Variants in ROBO1 observed in about 807,000 individuals in gnomAD.
The protein encoded by ROBO1 is roundabout homolog 1.
In ROBO1, 149 loss-of-function variants were observed where a neutral mutation model predicts 195.9. That is an observed-to-expected ratio of 0.76 (90% CI 0.67 to 0.87). The LOEUF is 0.87. Among genes scored for constraint, ROBO1 ranks in the 40% least tolerant of loss-of-function variants. ROBO1 has a pLI of 0.00. For missense variants in ROBO1, 1,933 were observed against 2,068.3 expected, an observed-to-expected ratio of 0.93 and a Z score of 1.27; for synonymous variants, 816 against 733.2, an observed-to-expected ratio of 1.11 and a Z score of -1.82.
intron 1 of ROBO1, among the ~76,000 whole-genome samples, chr3:79,682,034 A>G (rs757561798): frequency 1.3e-5 from 2 of 151,982 alleles, no homozygotes; most frequent in African/African-American, 2.4e-5. Flanking sequence ...CAATCAAGCA[A>G]AATGTAATTT....
intron 2 of ROBO1, among the ~76,000 whole-genome samples, chr3:79,409,953 T>C (rs57205903): frequency 0.022 from 3,321 of 152,220 alleles, 101 homozygotes; most frequent in African/African-American, 0.074. Context: ...TACACACATA[T>C]ATATTCTCTT....
chr3:78,718,998 T>A (rs1425993441), intron 5 of ROBO1, among the ~76,000 whole-genome samples: 4 of 152,222 alleles, frequency 2.6e-5, no homozygotes, highest in Non-Finnish European at 5.9e-5. Flanking sequence ...CAGTTTTGAA[T>A]GCCTAAATGG....
At chr3:79,480,258 C>T (rs888505242) in intron 2 of ROBO1, among the ~76,000 whole-genome samples, 3 of 152,066 alleles carry the variant, frequency 2.0e-5, no homozygotes, top group Admixed American at 6.5e-5. Context: ...TAATTGGGCA[C>T]ATTTTATATA....
intron 10 of ROBO1, among the ~76,000 whole-genome samples, chr3:78,675,094 T>G (rs1708318290): frequency 6.6e-6 from 1 of 152,064 alleles, no homozygotes; most frequent in Non-Finnish European, 1.5e-5. Flanking sequence ...GAGACAATCC[T>G]AGTGCTCAAT....
At chr3:79,101,703 T>A (rs2079679683) in intron 3 of ROBO1, among the ~76,000 whole-genome samples, 1 of 151,896 alleles carries the variant, frequency 6.6e-6, no homozygotes, top group African/African-American at 2.4e-5. Context: ...TAGCTATAAA[T>A]AGTTTAACAT....
chr3:78,842,558 A>T (rs201138619), intron 4 of ROBO1, among the ~76,000 whole-genome samples: 1 of 137,826 alleles, frequency 7.3e-6, no homozygotes, highest in African/African-American at 2.7e-5. Context: ...ATATATATTT[A>T]TATATATGAG....
At chr3:79,048,690 T>C (rs367715830) in intron 3 of ROBO1, among the ~76,000 whole-genome samples, 13 of 152,218 alleles carry the variant, frequency 8.5e-5, no homozygotes, top group African/African-American at 3.1e-4. Context: ...TGTCACACTA[T>C]GATGATGATG....
chr3:78,689,116 G>A (rs1559749324), intron 8 of ROBO1, among the ~76,000 whole-genome samples: 2 of 152,112 alleles, frequency 1.3e-5, no homozygotes, highest in Non-Finnish European at 2.9e-5. Context: ...CTGCTTAAAG[G>A]TGAATGAGCT....
At chr3:79,640,094 A>G (rs1945611889) in intron 1 of ROBO1, among the ~76,000 whole-genome samples, 1 of 152,174 alleles carries the variant, frequency 6.6e-6, no homozygotes, top group Admixed American at 6.5e-5. Flanking sequence ...CACGAACACA[A>G]CTAATGAAGT....
chr3:78,961,487 A>G (rs2041345154), intron 3 of ROBO1, among the ~76,000 whole-genome samples: 2 of 152,202 alleles, frequency 1.3e-5, no homozygotes, highest in Non-Finnish European at 2.9e-5. Context: ...TTTATCTTGA[A>G]TGTCAGGTTA....
At chr3:79,221,612 C>T (rs537185125) in intron 2 of ROBO1, among the ~76,000 whole-genome samples, 3 of 152,092 alleles carry the variant, frequency 2.0e-5, no homozygotes, top group Non-Finnish European at 2.9e-5. Flanking sequence ...TCAACAATGG[C>T]TTTGCCAATT....
chr3:79,071,267 G>GC (rs1553675796), intron 3 of ROBO1, among the ~76,000 whole-genome samples: 2 of 151,070 alleles, frequency 1.3e-5, no homozygotes, highest in Non-Finnish European at 3.0e-5. Flanking sequence ...CATTTGATTT[G>GC]TTTTTTTAAA....
intron 8 of ROBO1, among the ~76,000 whole-genome samples, chr3:78,691,012 G>A (rs928478875): frequency 2.0e-5 from 3 of 152,080 alleles, no homozygotes; most frequent in Admixed American, 1.3e-4. Flanking sequence ...CAAATTTACT[G>A]TATTTTGTAG....
intron 2 of ROBO1, among the ~76,000 whole-genome samples, chr3:79,144,920 GT>G (rs1222541360): frequency 2.0e-5 from 3 of 151,984 alleles, no homozygotes; most frequent in African/African-American, 7.2e-5. Flanking sequence ...AATAAAGTGT[GT>G]TTTGGACTAT....
In ROBO1 at chr3:79,369,068, G is replaced by A. The variant is rs181199556; in HGVS notation, c.88+220756C>T. Among the ~76,000 whole-genome samples, 695 of 152,226 alleles carry A rather than the reference G, an allele frequency of 4.6e-3. 5 individuals are homozygous for A. The highest frequency in any genetic ancestry group is 0.016 in the African/African-American group (648 of 41,534). On this transcript the variant is annotated intron_variant, in intron 2 of 30. Coordinates refer to ENST00000464233, the MANE Select transcript of ROBO1 (RefSeq NM_002941.4). ...AGTTCATATGATAACATTCACAAAAGTCAGCTTCTACAGCTTATGGGGCAA... is the reference window on the plus strand; with the variant it reads ...AGTTCATATGATAACATTCACAAAAATCAGCTTCTACAGCTTATGGGGCAA...
At chr3:78,676,346 G>C (rs1256848051) in intron 10 of ROBO1, among the ~76,000 whole-genome samples, 1 of 152,204 alleles carries the variant, frequency 6.6e-6, no homozygotes, top group African/African-American at 2.4e-5. Flanking sequence ...GACGAGTTGA[G>C]AGAAGAAGGC....
At chr3:79,582,016 A>G (rs1943677693) in intron 2 of ROBO1, among the ~76,000 whole-genome samples, 2 of 151,954 alleles carry the variant, frequency 1.3e-5, no homozygotes, top group Admixed American at 1.3e-4. Flanking sequence ...TAAAGAATAT[A>G]TACATATGCA....
At chr3:79,071,091 C>T (rs1264164873) in intron 3 of ROBO1, among the ~76,000 whole-genome samples, 1 of 151,786 alleles carries the variant, frequency 6.6e-6, no homozygotes, top group South Asian at 2.1e-4. Context: ...AACATCTACT[C>T]TCTCAGCAAT....
intron 10 of ROBO1, 45 bp from the exon 11 acceptor site, chr3:78,670,346 A>C: frequency 6.7e-7 from 1 of 1,498,636 alleles, no homozygotes; most frequent in Non-Finnish European, 9.1e-7. Context: ...AACTGGAAGC[A>C]ATTTTCTAAT....
Sources: allele counts gnomAD v4.1 joint callset (sites outside exome capture counted in the v4.1 genomes callset), GRCh38; gene constraint gnomAD v4.1.1; transcripts MANE v1.5; gene names NCBI Gene and HGNC (gene_info 2026-07-23, HGNC 2026-07-21).